Variants in PTPRT observed in about 807,000 individuals in gnomAD.
The protein encoded by PTPRT is protein tyrosine phosphatase receptor type T, also known as receptor-type tyrosine-protein phosphatase T.
In PTPRT, 56 loss-of-function variants were observed where a neutral mutation model predicts 176.8. The observed-to-expected ratio is 0.32, with a 90% CI of 0.26 to 0.40. The LOEUF (loss-of-function observed/expected upper bound fraction) is 0.40. Ranked by LOEUF, PTPRT falls within the 10% of genes least tolerant of loss-of-function variation. The probability of loss-of-function intolerance (pLI) is 1.00; values close to 1 mark genes in which losing one functional copy is unlikely to be tolerated. For synonymous variants in PTPRT, 783 were observed against 739.0 expected, an observed-to-expected ratio of 1.06 and a Z score of -0.96; for missense variants, 1,540 against 1,908.2, an observed-to-expected ratio of 0.81 and a Z score of 3.60.
At chr20:42,537,747 G>A (rs1057234726) in intron 7 of PTPRT, among the ~76,000 whole-genome samples, 5 of 152,122 alleles carry the variant, frequency 3.3e-5, no homozygotes, top group African/African-American at 7.2e-5. Context: ...ATGGCATCAC[G>A]GTCCAGCGAG....
At chr20:42,216,777 G>A (rs1017144915) in intron 15 of PTPRT, among the ~76,000 whole-genome samples, 4 of 152,076 alleles carry the variant, frequency 2.6e-5, no homozygotes, top group Non-Finnish European at 2.9e-5. Flanking sequence ...CCAAATTTCT[G>A]TATTTAAGCA....
rs57365825 is a variant in PTPRT, at chr20:42,270,280, G to A, written c.2176+12209C>T. ...GGTTGATGGGTGAATGGGTGGGGGG[G>A]TGGGTGGGTGGGTGGGGTGGAAAGA... On this transcript the variant is annotated intron_variant, in intron 13 of 30. Transcript: ENST00000373187. The A allele has an allele frequency of 3.3e-3, 2,593 of 788,904 alleles. 91 individuals carry two copies. In the East Asian group the frequency reaches 0.07, roughly 21 times the overall value. 48.9% of individuals were successfully genotyped at this position (788,904 alleles called of 1,614,324 possible). A position where few individuals can be genotyped will look rare whatever the true frequency, so the allele number is the denominator to read the frequency against.
intron 1 of PTPRT, among the ~76,000 whole-genome samples, chr20:43,046,054 G>T (rs1487775485): frequency 6.6e-6 from 1 of 152,068 alleles, no homozygotes; most frequent in African/African-American, 2.4e-5. Flanking sequence ...GGTGAGTAGG[G>T]GTAGAATCAT....
At chr20:42,276,732 C>G (rs748405155) in intron 13 of PTPRT, among the ~76,000 whole-genome samples, 142 of 151,032 alleles carry the variant, frequency 9.4e-4, no homozygotes, top group Non-Finnish European at 1.9e-3. Context: ...CTCAAGGAAG[C>G]TTCCTATATA....
Position 42,080,466 on chromosome 20 carries a change from G to A in PTPRT, c.*413C>T, listed in dbSNP as rs1983210555. ...TCAATCTTTTCCATGACGTAGAGGAGCAGAACACACATCTCCTCCACTCCT... is the reference window on the plus strand; with the variant it reads ...TCAATCTTTTCCATGACGTAGAGGAACAGAACACACATCTCCTCCACTCCT... On this transcript the variant is annotated 3_prime_UTR_variant, in exon 31 of 31. Coordinates refer to ENST00000373187, the MANE Select transcript of PTPRT (RefSeq NM_007050.6). The A allele has an allele frequency of 8.2e-6, 2 of 244,338 alleles. No individual in the cohort carries two copies. Among genetic ancestry groups the A allele is most frequent in the East Asian group, 6.0e-5 (1 of 16,646 alleles). 15.1% of individuals were successfully genotyped at this position (244,338 alleles called of 1,614,324 possible).
intron 7 of PTPRT, among the ~76,000 whole-genome samples, chr20:42,630,371 C>T (rs2074380577): frequency 6.6e-6 from 1 of 152,102 alleles, no homozygotes; most frequent in African/African-American, 2.4e-5. Context: ...TGGTTTCAAG[C>T]CACTATGTCT....
chr20:42,759,156 T>C (rs2076879973), intron 5 of PTPRT, among the ~76,000 whole-genome samples: 1 of 152,206 alleles, frequency 6.6e-6, no homozygotes, highest in African/African-American at 2.4e-5. Flanking sequence ...GAGCAAGGCA[T>C]TTCAGGGCCA....
intron 1 of PTPRT, among the ~76,000 whole-genome samples, chr20:43,120,705 CA>C (rs147291402): frequency 0.024 from 3,665 of 152,318 alleles, 79 homozygotes; most frequent in South Asian, 0.081. Flanking sequence ...TGTGCAGCAA[CA>C]GGGGTCAAGT....
intron 13 of PTPRT, among the ~76,000 whole-genome samples, chr20:42,256,332 A>G (rs933565000): frequency 3.3e-5 from 5 of 152,198 alleles, no homozygotes; most frequent in Admixed American, 6.5e-5. Flanking sequence ...TGGATACTTC[A>G]TTAGATTCAA....
chr20:42,136,277 T>C (rs1988375753), intron 18 of PTPRT, among the ~76,000 whole-genome samples: 1 of 132,250 alleles, frequency 7.6e-6, no homozygotes, highest in African/African-American at 2.8e-5. Context: ...GAGATTTGAC[T>C]CATTACAATG....
At chr20:42,368,021 C>T (rs2058538571) in intron 9 of PTPRT, among the ~76,000 whole-genome samples, 1 of 152,142 alleles carries the variant, frequency 6.6e-6, no homozygotes, top group Non-Finnish European at 1.5e-5. Flanking sequence ...TACCCAGGCT[C>T]TGGGTGCTGC....
At chr20:42,251,752 C>G (rs1214033975) in intron 13 of PTPRT, among the ~76,000 whole-genome samples, 1 of 150,506 alleles carries the variant, frequency 6.6e-6, no homozygotes, top group Non-Finnish European at 1.5e-5. Context: ...TGTAGTATAA[C>G]CAGGGCAAGA....
chr20:42,238,855 C>A (rs1448450325), intron 14 of PTPRT, among the ~76,000 whole-genome samples: 1 of 152,148 alleles, frequency 6.6e-6, no homozygotes, highest in Non-Finnish European at 1.5e-5. Context: ...AACTGCATGA[C>A]CTTGAACAAG....
At chr20:42,358,146 T>G (rs2058382987) in intron 9 of PTPRT, among the ~76,000 whole-genome samples, 2 of 151,250 alleles carry the variant, frequency 1.3e-5, no homozygotes. Context: ...TTCTTAATTT[T>G]AATAAATATA....
At chr20:42,514,429 GCTTTT>G (rs1363634890) in intron 7 of PTPRT, among the ~76,000 whole-genome samples, 1 of 149,060 alleles carries the variant, frequency 6.7e-6, no homozygotes, top group Non-Finnish European at 1.5e-5. Flanking sequence ...CTTTGTTCAC[GCTTTT>G]CTTTTCTTTT....
intron 6 of PTPRT, among the ~76,000 whole-genome samples, chr20:42,727,425 G>A (rs981924044): frequency 3.9e-5 from 6 of 152,282 alleles, no homozygotes; most frequent in African/African-American, 7.2e-5. Flanking sequence ...AACACTTACA[G>A]TGTGCCAGGT....
At position 42,080,465 on chromosome 20, in the gene PTPRT, A is replaced by G. The variant is rs1276884826; in HGVS notation, c.*414T>C. On this transcript the variant is annotated 3_prime_UTR_variant, in exon 31 of 31. Coordinates refer to ENST00000373187, the MANE Select transcript of PTPRT (RefSeq NM_007050.6). ...CTCAATCTTTTCCATGACGTAGAGGAGCAGAACACACATCTCCTCCACTCC... is the reference window on the plus strand; with the variant it reads ...CTCAATCTTTTCCATGACGTAGAGGGGCAGAACACACATCTCCTCCACTCC... 2 of 242,510 alleles carry G rather than the reference A, an allele frequency of 8.2e-6. No homozygotes were observed. The highest frequency in any genetic ancestry group is 6.0e-5 in the East Asian group (1 of 16,632). The allele number at this position is 242,510 out of a possible 1,614,324, so 15.0% of individuals were successfully genotyped here.
chr20:42,124,772 T>A (rs910587775), intron 19 of PTPRT, among the ~76,000 whole-genome samples: 35 of 152,290 alleles, frequency 2.3e-4, no homozygotes, highest in African/African-American at 7.9e-4. Context: ...TGGTTCACAA[T>A]TAATGGAGTT....
At chr20:42,788,933 C>T (rs998033601) in intron 3 of PTPRT, among the ~76,000 whole-genome samples, 1 of 152,196 alleles carries the variant, frequency 6.6e-6, no homozygotes, top group Non-Finnish European at 1.5e-5. Flanking sequence ...TTGACAACCA[C>T]GAGCTACTGA....
Sources: allele counts gnomAD v4.1 joint callset (sites outside exome capture counted in the v4.1 genomes callset), GRCh38; gene constraint gnomAD v4.1.1; transcripts MANE v1.5; gene names NCBI Gene and HGNC (gene_info 2026-07-23, HGNC 2026-07-21).